The following USHBP1 variants were observed in gnomAD, a reference collection of about 807,000 sequenced individuals.
USHBP1 encodes harmonin-binding protein USHBP1.
In USHBP1, 67 loss-of-function variants were observed where a neutral mutation model predicts 76.2. The observed-to-expected ratio is 0.88, with a 90% CI of 0.72 to 1.08. USHBP1 has a LOEUF of 1.08. Among genes scored for constraint, USHBP1 ranks in the 50% least tolerant of loss-of-function variants. The pLI is 0.00. For missense variants in USHBP1, 931 were observed against 915.0 expected, an observed-to-expected ratio of 1.02 and a Z score of -0.23; for synonymous variants, 322 against 362.2, an observed-to-expected ratio of 0.89 and a Z score of 1.26.
intron 3 of USHBP1, 98 bp from the exon 4 acceptor site, chr19:17,263,088 A>G: frequency 7.6e-7 from 1 of 1,323,852 alleles, no homozygotes; most frequent in Non-Finnish European, 1.0e-6. Flanking sequence ...CCCAGCCTGG[A>G]GTGCAGTGGC....
At chr19:17,260,318 C>T (rs938150152) in intron 4 of USHBP1, among the ~76,000 whole-genome samples, 2 of 152,098 alleles carry the variant, frequency 1.3e-5, no homozygotes, top group Admixed American at 6.6e-5. Flanking sequence ...ATATCTCATT[C>T]AGCCACATGG....
rs890525872 is a variant in USHBP1 at position 17,264,366 on chromosome 19, A to G, written c.-48-19T>C. The G allele has an allele frequency of 4.0e-6, 6 of 1,514,240 alleles. No homozygotes were observed. The highest frequency in any genetic ancestry group is 1.4e-5 in the African/African-American group (1 of 72,178). 93.8% of individuals were successfully genotyped at this position (1,514,240 alleles called of 1,614,324 possible). A position where few individuals can be genotyped will look rare whatever the true frequency, so the allele number is the denominator to read the frequency against. The stretch of plus-strand genomic sequence containing the variant: ...TCAACCCCTAAAACCACAGCCTGCC[A>G]TGAGCTCTTGCCTTTGTTGTCCTGG... On this transcript the variant is annotated intron_variant, in intron 1 of 12. Transcript: ENST00000252597.
At chr19:17,259,777 G>A in intron 5 of USHBP1, 45 bp from the exon 6 acceptor site, 13 of 1,581,542 alleles carry the variant, frequency 8.2e-6, no homozygotes, top group Non-Finnish European at 1.0e-5. Flanking sequence ...GTCACCAAGA[G>A]CCTGGGATTG....
chr19:17,256,474 T>TGCG lies in USHBP1; in HGVS notation c.1464_1466dup (p.Ala489dup). The TGCG allele has an allele frequency of 1.2e-6, 2 of 1,613,112 alleles. No individual in the cohort carries two copies. Among genetic ancestry groups the TGCG allele is most frequent in the Non-Finnish European group, 1.7e-6 (2 of 1,179,976 alleles). Reference sequence around the variant, plus strand: ...AGTGGCCACAGCCCATTTGTACCCTTGCGGCCACCAGGTCCTGCTGAATTT... The same window carrying TGCG: ...AGTGGCCACAGCCCATTTGTACCCTTGCGGCGGCCACCAGGTCCTGCTGAATTT... On this transcript the variant is annotated inframe_insertion, in exon 9 of 13. Transcript: ENST00000252597.
In USHBP1 at chr19:17,255,435, C is replaced by T. The variant is rs777982084; in HGVS notation, c.1642G>A (p.Gly548Arg). 7.4e-6 allele frequency: 12 copies of T among 1,614,034 alleles called. No individual in the cohort carries two copies. The highest frequency in any genetic ancestry group is 1.6e-4 in the Middle Eastern group (1 of 6,084). Residue 548 changes from glycine (G) to arginine (R), a missense_variant, in exon 10 of 13, where the codon GGA becomes AGA. Transcript: ENST00000252597. ...LQAGGANSSG[G>R]HSSGGGSSGD... is the part of the protein sequence containing the mutation. ...CTGCTGCCACCTCCGCTGCTATGTC[C>T]GCCACTGCTGTTTGCCCCACCAGCC... is the stretch of plus-strand genomic sequence containing the variant.
At position 17,250,320 on chromosome 19, in the gene USHBP1, C is replaced by A. The variant is rs2073533628; in HGVS notation, c.2017G>T (p.Ala673Ser). 6.2e-7 allele frequency: 1 copy of A among 1,613,440 alleles called. No individual in the cohort carries two copies. The highest frequency in any genetic ancestry group is 1.3e-5 in the African/African-American group (1 of 74,906). Residue 673 changes from alanine (A) to serine (S), a missense_variant, in exon 13 of 13, where the codon GCC (alanine) becomes TCC (serine). Physicochemically the swap from Ala to Ser is moderately conservative, Grantham distance 99. Transcript: ENST00000252597. ...QQMALMEAQQAEEVAVLEATA... is the reference protein window; with the variant it reads ...QQMALMEAQQSEEVAVLEATA... Reference sequence around the variant, plus strand: ...GCTTCGAGCACCGCCACCTCCTCGGCCTGCTGAGCCTCCATGAGTGCCATC... The same window carrying A: ...GCTTCGAGCACCGCCACCTCCTCGGACTGCTGAGCCTCCATGAGTGCCATC...
chr19:17,256,226 G>A (rs1395039685), intron 9 of USHBP1, among the ~76,000 whole-genome samples: 1 of 152,126 alleles, frequency 6.6e-6, no homozygotes, highest in East Asian at 1.9e-4. Context: ...CCAAGATTGT[G>A]TTCTTTGCTC....
chr19:17,262,455 G>A, intron 4 of USHBP1, 97 bp downstream of exon 4: 1 of 1,409,696 alleles, frequency 7.1e-7, no homozygotes, highest in Non-Finnish European at 9.5e-7. Context: ...GCCTTAAAAG[G>A]TTTTTTGAAT....
At chr19:17,256,826 A>C in intron 8 of USHBP1, 106 bp from the exon 9 acceptor site, 1 of 1,491,140 alleles carries the variant, frequency 6.7e-7, no homozygotes, top group Non-Finnish European at 9.1e-7. Context: ...ACTGGCCACG[A>C]TGGAATCTAT....
At chr19:17,252,075 C>G in intron 10 of USHBP1, 58 bp from the exon 11 acceptor site, 1 of 1,489,648 alleles carries the variant, frequency 6.7e-7, no homozygotes, top group Non-Finnish European at 9.1e-7. Context: ...CGTGCTTGGC[C>G]CACACTGGAC....
At chr19:17,258,734 AAAG>A in intron 7 of USHBP1, 1 of 325,306 alleles carries the variant, frequency 3.1e-6, no homozygotes, top group South Asian at 2.7e-5. Context: ...AAGAAAGAAA[AAAG>A]AAAAAAAAAT....
At chr19:17,252,205 A>T (rs565686418) in intron 10 of USHBP1, among the ~76,000 whole-genome samples, 188 bp from the exon 11 acceptor site, 42 of 151,940 alleles carry the variant, frequency 2.8e-4, no homozygotes, top group African/African-American at 8.0e-4. Context: ...ATTAAAAAAA[A>T]TTTTTTTTGA....
intron 5 of USHBP1, 40 bp downstream of exon 5, chr19:17,259,857 A>G (rs2073666950): frequency 6.3e-7 from 1 of 1,599,332 alleles, no homozygotes; most frequent in Non-Finnish European, 8.6e-7. Flanking sequence ...CCTGAAGGCT[A>G]AGGACATCAA....
At chr19:17,262,400 C>T in intron 4 of USHBP1, 152 bp downstream of exon 4, 1 of 875,162 alleles carries the variant, frequency 1.1e-6, no homozygotes, top group African/African-American at 1.7e-5. Context: ...CTCCTGCCTC[C>T]ACCTCCCAAA....
chr19:17,264,290 G>A lies in USHBP1; in HGVS notation c.10C>T (p.Arg4Trp), dbSNP rs765232833. 25 of 1,612,334 alleles carry A rather than the reference G, an allele frequency of 1.6e-5. No homozygotes were observed. The highest frequency in any genetic ancestry group is 1.2e-4 in the South Asian group (11 of 90,834). ...CGCCGGCTTCGGGGCCGCGTGGCCC[G>A]GGCACTCATTGCTGTCCAGAAGCCA... MSARATRPRSRRGR... is the reference protein window; with the variant it reads MSAWATRPRSRRGR... Residue 4 changes from arginine to tryptophan, a missense_variant, in exon 2 of 13, where the codon CGG becomes TGG. Coordinates refer to ENST00000252597, the MANE Select transcript of USHBP1 (RefSeq NM_031941.4).
chr19:17,261,995 G>C (rs2073694956), intron 4 of USHBP1, among the ~76,000 whole-genome samples: 1 of 134,536 alleles, frequency 7.4e-6, no homozygotes, highest in Admixed American at 8.0e-5. Flanking sequence ...AGCCAACCTG[G>C]CTGATTTTTT....
Position 17,255,423 on chromosome 19 carries a change from C to T in USHBP1, c.1654G>A (p.Gly552Arg), listed in dbSNP as rs753391965. 2.8e-5 allele frequency: 46 copies of T among 1,614,040 alleles called. No individual in the cohort carries two copies. The highest frequency in any genetic ancestry group is 3.3e-5 in the South Asian group (3 of 91,084). Residue 552 changes from glycine (G) to arginine (R), a missense_variant, in exon 10 of 13, where the codon GGA becomes AGA. Transcript: ENST00000252597. ...TCCTCGTCCCCGCTGCTGCCACCTC[C>T]GCTGCTATGTCCGCCACTGCTGTTT... ...GANSSGGHSS[G>R]GGSSGDEEEW...
chr19:17,252,358 G>C (rs558458116), intron 10 of USHBP1, among the ~76,000 whole-genome samples: 1 of 152,000 alleles, frequency 6.6e-6, no homozygotes, highest in Admixed American at 6.6e-5. Flanking sequence ...ACCAGACCCG[G>C]CTACTTTTCG....
Position 17,255,408 on chromosome 19 carries a change from C to T in USHBP1, c.1669G>A (p.Gly557Arg), listed in dbSNP as rs761598645. Reference protein sequence around the residue: ...GGHSSGGGSSGDEEEWYQGLP... With the variant: ...GGHSSGGGSSRDEEEWYQGLP... ...ACCTGATACCACTCTTCCTCGTCCCCGCTGCTGCCACCTCCGCTGCTATGT... is the reference window on the plus strand; with the variant it reads ...ACCTGATACCACTCTTCCTCGTCCCTGCTGCTGCCACCTCCGCTGCTATGT... The change falls in exon 10 of 13, where the codon GGG (glycine) becomes AGG (arginine). Residue 557 changes from glycine to arginine, a missense_variant. By Grantham distance (125) the Gly-to-Arg change is moderately radical (BLOSUM62 -2). Transcript: ENST00000252597. The T allele has an allele frequency of 4.3e-6, 7 of 1,613,982 alleles. No individual in the cohort carries two copies. The highest frequency in any genetic ancestry group is 2.2e-5 in the East Asian group (1 of 44,892).
Sources: gnomAD v4.1 joint callset for allele counts (sites outside exome capture counted in the v4.1 genomes callset) on GRCh38, gnomAD v4.1.1 for gene constraint, MANE v1.5 for transcripts, NCBI Gene and HGNC (gene_info 2026-07-23, HGNC 2026-07-21) for gene names.